MED13: variants seen among roughly 807,000 people sequenced by gnomAD.
MED13 encodes mediator of RNA polymerase II transcription subunit 13.
MED13 carries 23 observed loss-of-function variants against 225.2 expected under a neutral mutation model. The ratio of observed to expected loss-of-function variants is 0.10; its 90% CI spans 0.07 to 0.14. The LOEUF (loss-of-function observed/expected upper bound fraction) is 0.14. Among genes scored for constraint, MED13 ranks in the 10% least tolerant of loss-of-function variants. The probability of loss-of-function intolerance (pLI) is 1.00; values close to 1 mark genes in which losing one functional copy is unlikely to be tolerated. For synonymous variants in MED13, 942 were observed against 889.2 expected, an observed-to-expected ratio of 1.06 and a Z score of -1.06; for missense variants, 2,197 against 2,594.5, an observed-to-expected ratio of 0.85 and a Z score of 3.33.
intron 11 of MED13, 132 bp from the exon 12 acceptor site, chr17:61,987,260 C>A (rs2080255852): frequency 2.4e-6 from 1 of 418,162 alleles, no homozygotes; most frequent in Non-Finnish European, 4.3e-6. Flanking sequence ...GATGGTGAAA[C>A]CCCGTCTCTA....
intron 3 of MED13, among the ~76,000 whole-genome samples, chr17:62,047,631 C>A (rs1478396929): frequency 6.6e-6 from 1 of 152,026 alleles, no homozygotes; most frequent in Non-Finnish European, 1.5e-5. Context: ...AGATGACGGG[C>A]TGATAGGTGC....
rs1214750758 is a variant in MED13 at position 62,029,645 on chromosome 17, C to T, written c.1179G>A (p.Lys393=). ...CNMNRAQNKR[K]YSASSGGLCE... ...ATAGACCACCTGATGAAGCAGAATA[C>T]TTCCTCCTAAGATTTAAAGTTACAA... The change falls in exon 8 of 30, where the codon AAG becomes AAA. Residue 393 remains lysine, a synonymous_variant. Coordinates refer to ENST00000397786, the MANE Select transcript of MED13 (RefSeq NM_005121.3). The T allele has an allele frequency of 1.9e-6, 3 of 1,611,540 alleles. No homozygotes were observed. Among genetic ancestry groups the T allele is most frequent in the Middle Eastern group, 1.7e-4 (1 of 6,058 alleles).
intron 16 of MED13, among the ~76,000 whole-genome samples, chr17:61,977,426 T>C (rs1314260284): frequency 6.6e-6 from 1 of 152,194 alleles, no homozygotes; most frequent in Non-Finnish European, 1.5e-5. Context: ...ATCAAAGTAT[T>C]CTAATATTGC....
intron 16 of MED13, among the ~76,000 whole-genome samples, chr17:61,978,181 A>T: frequency 6.9e-6 from 1 of 144,834 alleles, no homozygotes; most frequent in South Asian, 2.2e-4. Context: ...ACCGAGTTTC[A>T]CTCTTGTTGC....
chr17:61,944,680 A>G lies in MED13; in HGVS notation c.*1788T>C, dbSNP rs530881841. On this transcript the variant is annotated 3_prime_UTR_variant, in exon 30 of 30. Coordinates refer to ENST00000397786, the MANE Select transcript of MED13 (RefSeq NM_005121.3). The stretch of plus-strand genomic sequence containing the variant: ...AGTATTCACAAAAACAAGTTTCAGT[A>G]AAAAAAAAAACTAAAACAAACACTG... 6 of 145,186 alleles carry G rather than the reference A, an allele frequency of 4.1e-5. No homozygotes were observed. The East Asian group carries it at 1.2e-3, about 28-fold the overall frequency. The allele number at this position is 145,186 out of a possible 1,614,324, so 9.0% of individuals were successfully genotyped here.
rs1475251478 is a variant in MED13, at chr17:61,965,393, G to C, written c.4457C>G (p.Ser1486Cys). The part of the protein sequence containing the change: ...QPNLVAPTSQ[S>C]LITPPQMTNT... ...TGTCATCTGAGGTGGAGTAATCAAA[G>C]ACTGACTTGTAGGGGCAACTAAATT... Residue 1486 changes from serine (S) to cysteine (C), a missense_variant, in exon 20 of 30, where the codon TCT (serine) becomes TGT (cysteine). Physicochemically the swap from Ser to Cys is moderately radical, Grantham distance 112. Transcript: ENST00000397786. 9 of 1,614,010 alleles carry C rather than the reference G, an allele frequency of 5.6e-6. No individual in the cohort carries two copies. The highest frequency in any genetic ancestry group is 7.6e-6 in the Non-Finnish European group (9 of 1,179,968).
Position 61,956,406 on chromosome 17 carries a change from T to C in MED13, c.5556A>G (p.Gln1852=). The stretch of plus-strand genomic sequence containing the variant: ...CAACTCTCCATGGCAATGAACTCAT[T>C]TGTACAAGTCCTAAGCACCACTCCC... ...KLWEWCLGLV[Q]MSSLPWRVVI... The change falls in exon 24 of 30, where the codon CAA becomes CAG. Residue 1852 remains glutamine (Q), a synonymous_variant. Coordinates refer to ENST00000397786, the MANE Select transcript of MED13 (RefSeq NM_005121.3). The C allele has an allele frequency of 6.2e-7, 1 of 1,614,016 alleles. No homozygotes were observed. The highest frequency in any genetic ancestry group is 8.5e-7 in the Non-Finnish European group (1 of 1,179,924).
At chr17:62,049,384 G>C (rs1032663587) in intron 3 of MED13, among the ~76,000 whole-genome samples, 4 of 152,180 alleles carry the variant, frequency 2.6e-5, no homozygotes, top group African/African-American at 9.6e-5. Context: ...AAGTCAGCTA[G>C]AAAATATTTC....
intron 8 of MED13, among the ~76,000 whole-genome samples, chr17:62,015,873 G>T (rs1206681382): frequency 3.4e-5 from 3 of 89,066 alleles, no homozygotes; most frequent in Non-Finnish European, 6.4e-5. Flanking sequence ...GTGTATGTGT[G>T]TGTGTATATA....
intron 8 of MED13, among the ~76,000 whole-genome samples, chr17:62,015,049 A>C (rs992139357): frequency 1.3e-5 from 2 of 152,330 alleles, no homozygotes; most frequent in Non-Finnish European, 1.5e-5. Context: ...AGTTTTACCA[A>C]CCGAGTCAAT....
intron 4 of MED13, among the ~76,000 whole-genome samples, chr17:62,034,404 T>A (rs923834296): frequency 2.0e-5 from 3 of 151,406 alleles, no homozygotes; most frequent in African/African-American, 4.9e-5. Context: ...GGAGAACTGC[T>A]TGAACCCGGG....
chr17:61,999,113 G>T (rs1368590486), intron 9 of MED13, among the ~76,000 whole-genome samples: 7 of 152,010 alleles, frequency 4.6e-5, no homozygotes, highest in African/African-American at 1.7e-4. Context: ...ACTTCTTTCT[G>T]TGAATCAAAG....
intron 18 of MED13, among the ~76,000 whole-genome samples, chr17:61,967,349 G>A (rs2143383354): frequency 6.6e-6 from 1 of 152,038 alleles, no homozygotes; most frequent in Non-Finnish European, 1.5e-5. Flanking sequence ...ACACCCTTTG[G>A]GAAATGTTTA....
intron 16 of MED13, among the ~76,000 whole-genome samples, chr17:61,980,137 C>T (rs1288089218): frequency 1.3e-5 from 2 of 152,014 alleles, no homozygotes; most frequent in South Asian, 2.1e-4. Context: ...TGCAGTGGGC[C>T]GAGATCACGC....
chr17:61,969,882 G>A (rs569317605), intron 17 of MED13, among the ~76,000 whole-genome samples: 3 of 152,068 alleles, frequency 2.0e-5, no homozygotes, highest in Admixed American at 6.6e-5. Context: ...GATTACAGGC[G>A]TGAGTCGTCA....
chr17:62,035,373 A>C, intron 4 of MED13, 90 bp downstream of exon 4: 3 of 1,083,030 alleles, frequency 2.8e-6, no homozygotes, highest in Non-Finnish European at 3.9e-6. Flanking sequence ...GATCAGGGGG[A>C]ATTCCATCAA....
intron 9 of MED13, among the ~76,000 whole-genome samples, chr17:62,000,396 C>T (rs2080383962): frequency 6.6e-6 from 1 of 152,192 alleles, no homozygotes; most frequent in African/African-American, 2.4e-5. Flanking sequence ...ATGATCCCAA[C>T]CGCCTGATGG....
At chr17:62,033,645 A>G (rs538724935) in intron 5 of MED13, 142 bp downstream of exon 5, 77 of 758,922 alleles carry the variant, frequency 1.0e-4, no homozygotes, top group Non-Finnish European at 1.6e-4. Flanking sequence ...GCAGCCCTTA[A>G]GTAATGTGGG....
In MED13 at chr17:61,965,400, T is replaced by G. The variant is rs1415242241; in HGVS notation, c.4450A>C (p.Ser1484Arg). Residue 1484 changes from serine to arginine, a missense_variant, in exon 20 of 30, where the codon AGT becomes CGT. Ser to Arg is a moderately radical substitution (Grantham distance 110). Coordinates refer to ENST00000397786, the MANE Select transcript of MED13 (RefSeq NM_005121.3). ...LSQPNLVAPT[S>R]QSLITPPQMT... is the part of the protein sequence containing the mutation. Reference sequence around the variant, plus strand: ...TGAGGTGGAGTAATCAAAGACTGACTTGTAGGGGCAACTAAATTTGGCTGG... The same window carrying G: ...TGAGGTGGAGTAATCAAAGACTGACGTGTAGGGGCAACTAAATTTGGCTGG... 7.4e-6 allele frequency: 12 copies of G among 1,614,074 alleles called. No homozygotes were observed. The highest frequency in any genetic ancestry group is 1.0e-5 in the Non-Finnish European group (12 of 1,180,022).
Sources: gnomAD v4.1 joint callset for allele counts (sites outside exome capture counted in the v4.1 genomes callset) on GRCh38, gnomAD v4.1.1 for gene constraint, MANE v1.5 for transcripts, NCBI Gene and HGNC (gene_info 2026-07-23, HGNC 2026-07-21) for gene names.